ADAMTS17: variants seen among roughly 807,000 people sequenced by gnomAD.
ADAMTS17 encodes A disintegrin and metalloproteinase with thrombospondin motifs 17.
Under a neutral mutation model 141.5 loss-of-function variants are expected in ADAMTS17, and 113 were observed. The ratio of observed to expected loss-of-function variants is 0.80; its 90% confidence interval spans 0.69 to 0.93. ADAMTS17 has a LOEUF of 0.93. Among genes scored for constraint, ADAMTS17 ranks in the 40% least tolerant of loss-of-function variants. The pLI is 0.00. For synonymous variants in ADAMTS17, 768 were observed against 630.6 expected, an observed-to-expected ratio of 1.22 and a Z score of -3.27; for missense variants, 1,659 against 1,517.9, an observed-to-expected ratio of 1.09 and a Z score of -1.54.
At chr15:100,265,636 C>A (rs995681962) in intron 4 of ADAMTS17, among the ~76,000 whole-genome samples, 4 of 152,202 alleles carry the variant, frequency 2.6e-5, no homozygotes, top group African/African-American at 7.2e-5. Flanking sequence ...AGGAGTGGAG[C>A]TGCTCACCAC....
intron 7 of ADAMTS17, among the ~76,000 whole-genome samples, chr15:100,229,707 C>T (rs1198905262): frequency 1.3e-5 from 2 of 152,232 alleles, no homozygotes; most frequent in African/African-American, 2.4e-5. Context: ...CCTCCTCCCA[C>T]AACAAAACAC....
intron 15 of ADAMTS17, among the ~76,000 whole-genome samples, chr15:100,090,007 CAAAAT>C (rs1454943243): frequency 7.2e-6 from 1 of 139,776 alleles, no homozygotes; most frequent in Non-Finnish European, 1.6e-5. Context: ...AAAAAAAAAA[CAAAAT>C]AAAATTCAGA....
At chr15:100,295,666 A>G (rs955552609) in intron 3 of ADAMTS17, among the ~76,000 whole-genome samples, 1 of 152,160 alleles carries the variant, frequency 6.6e-6, no homozygotes, top group African/African-American at 2.4e-5. Flanking sequence ...GATGATACCT[A>G]TCTCCTGGGT....
Position 100,049,897 on chromosome 15 carries a change from T to C in ADAMTS17, c.2456-905A>G, listed in dbSNP as rs999344492. Among the ~76,000 whole-genome samples, 6 of 152,180 alleles carry C rather than the reference T, an allele frequency of 3.9e-5. No individual in the cohort carries two copies. The South Asian group carries it at 8.3e-4, about 21-fold the overall frequency. Reference sequence around the variant, plus strand: ...GATGATTAAAATAAACAAATATATATGGTGTCCATAGAACAGAACCTGGCA... The same window carrying C: ...GATGATTAAAATAAACAAATATATACGGTGTCCATAGAACAGAACCTGGCA... On this transcript the variant is annotated intron_variant, in intron 17 of 21. Coordinates refer to ENST00000268070, the MANE Select transcript of ADAMTS17 (RefSeq NM_139057.4).
At chr15:100,011,540 T>C (rs2061182206) in intron 18 of ADAMTS17, among the ~76,000 whole-genome samples, 1 of 152,150 alleles carries the variant, frequency 6.6e-6, no homozygotes, top group African/African-American at 2.4e-5. Context: ...ATTTCTAAAA[T>C]AGATTCTCTA....
chr15:100,131,978 G>A (rs762013464), intron 12 of ADAMTS17, 29 bp downstream of exon 12: 10 of 1,614,114 alleles, frequency 6.2e-6, no homozygotes, highest in African/African-American at 1.3e-5. Context: ...ATCGTGGCAC[G>A]TTGGGGTATG....
intron 4 of ADAMTS17, among the ~76,000 whole-genome samples, chr15:100,277,353 G>A (rs923302562): frequency 1.3e-5 from 2 of 152,124 alleles, no homozygotes; most frequent in African/African-American, 2.4e-5. Context: ...CAGGGTGGGA[G>A]TGTCTGTCTC....
intron 3 of ADAMTS17, among the ~76,000 whole-genome samples, chr15:100,301,491 ATTT>A (rs55686011): frequency 1.4e-4 from 18 of 133,296 alleles, no homozygotes; most frequent in Admixed American, 4.5e-4. Context: ...CACCGGGCTA[ATTT>A]TTTTTTTTTT....
At chr15:100,092,193 C>T (rs1298431919) in intron 15 of ADAMTS17, among the ~76,000 whole-genome samples, 1 of 152,186 alleles carries the variant, frequency 6.6e-6, no homozygotes, top group South Asian at 2.1e-4. Context: ...GGGTACGTTT[C>T]CATTTGACTC....
chr15:99,987,512 G>A (rs574360751), intron 20 of ADAMTS17, among the ~76,000 whole-genome samples: 1 of 152,302 alleles, frequency 6.6e-6, no homozygotes, highest in African/African-American at 2.4e-5. Flanking sequence ...TTACAGGAAG[G>A]AAGCCCTGGG....
At chr15:100,199,468 C>A in intron 7 of ADAMTS17, 45 bp from the exon 8 acceptor site, 1 of 1,558,944 alleles carries the variant, frequency 6.4e-7, no homozygotes, top group Non-Finnish European at 8.8e-7. Flanking sequence ...ACGTGGGAGG[C>A]CCTGGTCTCA....
intron 12 of ADAMTS17, among the ~76,000 whole-genome samples, chr15:100,131,775 A>T (rs968795160): frequency 3.9e-5 from 6 of 152,200 alleles, no homozygotes; most frequent in Admixed American, 6.5e-5. Context: ...GGAATGAGGG[A>T]GTCAGCTCAC....
At chr15:100,119,050 A>ACG (rs1363760715) in intron 12 of ADAMTS17, among the ~76,000 whole-genome samples, 9 of 151,954 alleles carry the variant, frequency 5.9e-5, no homozygotes, top group Non-Finnish European at 1.2e-4. Context: ...AGATACACAC[A>ACG]CACACACACA....
chr15:100,074,169 T>C (rs567222659), intron 15 of ADAMTS17: 1 of 153,174 alleles, frequency 6.5e-6, no homozygotes, highest in South Asian at 2.1e-4. Context: ...TCAGACACAT[T>C]TGGGGCGGTG....
At chr15:100,207,470 G>A (rs1038243482) in intron 7 of ADAMTS17, among the ~76,000 whole-genome samples, 6 of 151,914 alleles carry the variant, frequency 3.9e-5, no homozygotes, top group East Asian at 3.9e-4. Flanking sequence ...GCTAACCCAC[G>A]AGCATGGCGG....
intron 6 of ADAMTS17, among the ~76,000 whole-genome samples, chr15:100,259,717 G>A (rs1043806491): frequency 7.9e-5 from 12 of 152,336 alleles, no homozygotes; most frequent in Middle Eastern, 3.4e-3. Context: ...GGATTGGCAC[G>A]CTACAAAGCA....
At chr15:100,023,780 C>T (rs141516589) in intron 18 of ADAMTS17, among the ~76,000 whole-genome samples, 92 of 152,282 alleles carry the variant, frequency 6.0e-4, no homozygotes, top group African/African-American at 2.2e-3. Context: ...GACAAGTGAC[C>T]TGGAGCTTAC....
At chr15:99,996,361 A>AG in intron 19 of ADAMTS17, among the ~76,000 whole-genome samples, 1 of 152,288 alleles carries the variant, frequency 6.6e-6, no homozygotes, top group Middle Eastern at 3.4e-3. Context: ...TGGAAAGGGG[A>AG]GGGGACTGAA....
At chr15:100,332,159 G>T (rs937142640) in intron 2 of ADAMTS17, among the ~76,000 whole-genome samples, 1 of 152,176 alleles carries the variant, frequency 6.6e-6, no homozygotes, top group Non-Finnish European at 1.5e-5. Context: ...AAAACTCAAA[G>T]ATTTTACTGC....
Sources: allele counts gnomAD v4.1 joint callset (sites outside exome capture counted in the v4.1 genomes callset), GRCh38; gene constraint gnomAD v4.1.1; transcripts MANE v1.5; gene names NCBI Gene and HGNC (gene_info 2026-07-23, HGNC 2026-07-21).